The following FAM193A variants were observed in gnomAD, a reference collection of about 807,000 sequenced individuals.
The protein encoded by FAM193A is protein FAM193A.
FAM193A carries 22 observed loss-of-function variants against 126.5 expected under a neutral mutation model. The observed-to-expected ratio is 0.17, with a 90% CI of 0.12 to 0.25. The LOEUF (loss-of-function observed/expected upper bound fraction) is 0.25. Ranked by LOEUF, FAM193A falls within the 10% of genes least tolerant of loss-of-function variation. FAM193A has a pLI of 1.00. For synonymous variants in FAM193A, 761 were observed against 646.8 expected, an observed-to-expected ratio of 1.18 and a Z score of -2.68; for missense variants, 1,675 against 1,672.8, an observed-to-expected ratio of 1.00 and a Z score of -0.02.
At chr4:2,667,233 C>T (rs967849125) in intron 12 of FAM193A, among the ~76,000 whole-genome samples, 5 of 152,210 alleles carry the variant, frequency 3.3e-5, no homozygotes, top group Admixed American at 6.5e-5. Flanking sequence ...ATCCAGGCTA[C>T]CATGTAAGGA....
chr4:2,623,771 A>G (rs1742701422), intron 2 of FAM193A, among the ~76,000 whole-genome samples: 1 of 152,180 alleles, frequency 6.6e-6, no homozygotes, highest in African/African-American at 2.4e-5. Context: ...GTTGGTGAGG[A>G]GAGCACACTT....
intron 1 of FAM193A, among the ~76,000 whole-genome samples, chr4:2,554,013 G>T (rs928542003): frequency 6.6e-6 from 1 of 152,086 alleles, no homozygotes; most frequent in Non-Finnish European, 1.5e-5. Flanking sequence ...CCAGTCTTGG[G>T]TATGTCTTCA....
intron 1 of FAM193A, among the ~76,000 whole-genome samples, chr4:2,547,127 C>T (rs896028521): frequency 1.3e-5 from 2 of 152,078 alleles, no homozygotes; most frequent in African/African-American, 4.8e-5. Context: ...GTGGCTCACG[C>T]CTGTAATTCC....
At chr4:2,612,789 C>T (rs572680360) in intron 2 of FAM193A, among the ~76,000 whole-genome samples, 2 of 152,328 alleles carry the variant, frequency 1.3e-5, no homozygotes, top group Admixed American at 1.3e-4. Context: ...TATTCCTATT[C>T]CTTTGCCAGT....
intron 1 of FAM193A, among the ~76,000 whole-genome samples, chr4:2,542,722 T>C (rs1261759721): frequency 6.6e-6 from 1 of 151,938 alleles, no homozygotes; most frequent in Non-Finnish European, 1.5e-5. Context: ...GCTTTCTGAG[T>C]CCTGGCAAGC....
intron 1 of FAM193A, among the ~76,000 whole-genome samples, chr4:2,557,583 G>C (rs1332292732): frequency 6.6e-6 from 1 of 151,970 alleles, no homozygotes; most frequent in African/African-American, 2.4e-5. Flanking sequence ...TTCTTCAAAG[G>C]ATTCCTGAGA....
At chr4:2,682,319 A>T (rs769876222) in intron 13 of FAM193A, among the ~76,000 whole-genome samples, 1 of 152,016 alleles carries the variant, frequency 6.6e-6, no homozygotes, top group Non-Finnish European at 1.5e-5. Context: ...AGACATGTAT[A>T]GTTGTGTTTG....
At chr4:2,600,660 A>G (rs1741144085) in intron 2 of FAM193A, among the ~76,000 whole-genome samples, 1 of 152,088 alleles carries the variant, frequency 6.6e-6, no homozygotes, top group African/African-American at 2.4e-5. Flanking sequence ...CCAAACCCCC[A>G]TAGCTGAGGG....
At chr4:2,666,829 C>T (rs575749152) in intron 12 of FAM193A, among the ~76,000 whole-genome samples, 2 of 152,328 alleles carry the variant, frequency 1.3e-5, no homozygotes, top group East Asian at 3.9e-4. Flanking sequence ...TTTAATTCTG[C>T]AGTGCCTGCA....
At chr4:2,706,432 G>T (rs1319917249) in intron 19 of FAM193A, among the ~76,000 whole-genome samples, 1 of 151,494 alleles carries the variant, frequency 6.6e-6, no homozygotes, top group Non-Finnish European at 1.5e-5. Context: ...AAGTAGCTGG[G>T]ATTACAGCCA....
At chr4:2,683,547 C>T (rs973541726) in intron 13 of FAM193A, among the ~76,000 whole-genome samples, 14 of 152,186 alleles carry the variant, frequency 9.2e-5, no homozygotes, top group Admixed American at 2.6e-4. Context: ...CCTGCCTTGG[C>T]CTCCCATAGT....
chr4:2,641,124 T>C (rs1293954172), intron 6 of FAM193A, among the ~76,000 whole-genome samples: 1 of 151,292 alleles, frequency 6.6e-6, no homozygotes, highest in African/African-American at 2.4e-5. Flanking sequence ...CACTGCAACC[T>C]CCACCTCCCA....
intron 2 of FAM193A, among the ~76,000 whole-genome samples, chr4:2,623,319 G>A (rs1200644924): frequency 6.6e-6 from 1 of 152,132 alleles, no homozygotes; most frequent in Non-Finnish European, 1.5e-5. Context: ...ACAGGCGAGC[G>A]CCACCACACC....
At chr4:2,731,365 CA>C (rs111451399) in intron 20 of FAM193A, among the ~76,000 whole-genome samples, 22 of 143,162 alleles carry the variant, frequency 1.5e-4, no homozygotes, top group African/African-American at 1.3e-4. Flanking sequence ...GACCCTGTCT[CA>C]AAAAAAAAAG....
intron 1 of FAM193A, among the ~76,000 whole-genome samples, chr4:2,542,958 T>C (rs1170812963): frequency 1.3e-5 from 2 of 152,014 alleles, no homozygotes; most frequent in African/African-American, 4.8e-5. Flanking sequence ...ATGGGAGAAG[T>C]AGGAAAACAT....
At chr4:2,638,174 A>G (rs141581830) in intron 5 of FAM193A, among the ~76,000 whole-genome samples, 111 of 152,234 alleles carry the variant, frequency 7.3e-4, no homozygotes, top group Middle Eastern at 3.4e-3. Context: ...CAGGTGCTGC[A>G]TTCACTCTCA....
In FAM193A at chr4:2,662,974, A is replaced by T; in HGVS notation, c.1882A>T (p.Met628Leu). The T allele has an allele frequency of 6.2e-7, 1 of 1,613,058 alleles. No individual in the cohort carries two copies. Among genetic ancestry groups the T allele is most frequent in the Non-Finnish European group, 8.5e-7 (1 of 1,179,098 alleles). ...HSELNGGGEN[M>L]ALKDESPQIS... ...CGAATTGAATGGTGGCGGGGAAAAC[A>T]TGGCCCTGAAGGATGAGGTATGGAC... The change falls in exon 11 of 21, where the codon ATG (methionine) becomes TTG (leucine). Residue 628 changes from methionine (M) to leucine (L), a missense_variant. Physicochemically the swap from Met to Leu is conservative, Grantham distance 15. This residue lies in a region of FAM193A where 1,186 missense variants were observed against 1,109.2 expected (regional missense o/e 1.07). Coordinates refer to ENST00000637812, the MANE Select transcript of FAM193A (RefSeq NM_001366318.2).
In FAM193A at chr4:2,550,025, C is replaced by CTT. The variant is rs35806343; in HGVS notation, c.255+12870_255+12871dup. Among the ~76,000 whole-genome samples the CTT allele has an allele frequency of 1.2e-3, 156 of 132,182 alleles. 1 individual carries two copies. Among genetic ancestry groups the CTT allele is most frequent in the Admixed American group, 3.8e-3 (48 of 12,652 alleles). The allele number at this position is 132,182 out of a possible 152,430, so 86.7% of individuals were successfully genotyped here. A position where few individuals can be genotyped will look rare whatever the true frequency, so the allele number is the denominator to read the frequency against. Reference sequence around the variant, plus strand: ...TACAGGCATGAGCCACCGCACCTGGCTTTTTTTTTTTTTTTTAATTTTAAT... The same window carrying CTT: ...TACAGGCATGAGCCACCGCACCTGGCTTTTTTTTTTTTTTTTTTAATTTTAAT... On this transcript the variant is annotated intron_variant, in intron 1 of 20. Transcript: ENST00000637812.
In FAM193A at chr4:2,590,506, C is replaced by CAA. The variant is rs150589938; in HGVS notation, c.256-5569_256-5568dup. On this transcript the variant is annotated intron_variant, in intron 1 of 20. Coordinates refer to ENST00000637812, the MANE Select transcript of FAM193A (RefSeq NM_001366318.2). Reference sequence around the variant, plus strand: ...AAAAACAAAAAAAAACAAAAAAAAACAAAAAAAAAACAAAACAAAATTAAA... The same window carrying CAA: ...AAAAACAAAAAAAAACAAAAAAAAACAAAAAAAAAAAACAAAACAAAATTAAA... 2.1e-4 allele frequency among the ~76,000 whole-genome samples: 7 copies of CAA among 33,224 alleles called. 1 individual carries two copies. Among genetic ancestry groups the CAA allele is most frequent in the African/African-American group, 4.9e-4 (2 of 4,084 alleles). The allele number at this position is 33,224 out of a possible 152,430, so 21.8% of individuals were successfully genotyped here. A position where few individuals can be genotyped will look rare whatever the true frequency, so the allele number is the denominator to read the frequency against.
Sources: allele counts gnomAD v4.1 joint callset (sites outside exome capture counted in the v4.1 genomes callset), GRCh38; gene constraint gnomAD v4.1.1; regional missense constraint gnomAD v4.1.1; transcripts MANE v1.5; gene names NCBI Gene and HGNC (gene_info 2026-07-23, HGNC 2026-07-21).